IQSEC1: variants seen among roughly 807,000 people sequenced by gnomAD.
IQSEC1 encodes IQ motif and SEC7 domain-containing protein 1.
In IQSEC1, 31 loss-of-function variants were observed where a neutral mutation model predicts 91.0. The ratio of observed to expected loss-of-function variants is 0.34; its 90% confidence interval spans 0.26 to 0.46. IQSEC1 has a LOEUF of 0.46. Ranked by LOEUF, IQSEC1 falls within the 20% of genes least tolerant of loss-of-function variation. IQSEC1 has a pLI of 1.00. For missense variants in IQSEC1, 1,388 were observed against 1,575.6 expected (o/e 0.88, Z 2.02); for synonymous variants, 699 against 662.6 (o/e 1.05, Z -0.84).
chr3:12,909,123 G>C lies in IQSEC1; in HGVS notation c.2578+150C>G. ...GTGCCTCCTGCAGCCTGGGAACACA[G>C]ACTGCCCCATCATGTGGCCATAGGG... On this transcript the variant is annotated intron_variant, in intron 11 of 13. Transcript: ENST00000613206. The surrounding 1 kb of genome is among the most constrained non-coding windows in gnomAD (Gnocchi z 4.9). 1.3e-6 allele frequency: 1 copy of C among 799,628 alleles called. No homozygotes were observed. The highest frequency in any genetic ancestry group is 2.5e-5 in the East Asian group (1 of 40,510). 49.5% of individuals were successfully genotyped at this position (799,628 alleles called of 1,614,324 possible).
At chr3:13,032,775 G>A (rs1476366960) in intron 1 of IQSEC1, among the ~76,000 whole-genome samples, 1 of 152,056 alleles carries the variant, frequency 6.6e-6, no homozygotes, top group Non-Finnish European at 1.5e-5. Flanking sequence ...TAATAGAGAC[G>A]GGGTTTCACC....
chr3:12,906,220 T>A (rs1694966608), intron 12 of IQSEC1, among the ~76,000 whole-genome samples: 1 of 152,138 alleles, frequency 6.6e-6, no homozygotes, highest in Admixed American at 6.5e-5. Context: ...GTGTCAAACA[T>A]GGAGGGGACA....
At chr3:13,257,239 C>T (rs916330031) in intron 1 of IQSEC1, among the ~76,000 whole-genome samples, 7 of 152,182 alleles carry the variant, frequency 4.6e-5, no homozygotes, top group Admixed American at 1.3e-4. Context: ...AGTGGTCATT[C>T]TCACGGGCAT....
chr3:13,259,206 C>T lies in IQSEC1; in HGVS notation c.272+23505G>A, dbSNP rs904263760. Among the ~76,000 whole-genome samples, 4 of 152,156 alleles carry T rather than the reference C, an allele frequency of 2.6e-5. No individual in the cohort carries two copies. The highest frequency in any genetic ancestry group is 4.4e-5 in the Non-Finnish European group (3 of 67,988). ...ACCCTCTGCCATGCAGGCCCTGGGA[C>T]GGGACAGTTTCCACTGGAGCAGGAC... On this transcript the variant is annotated intron_variant, in intron 1 of 15. Coordinates refer to the IQSEC1 transcript ENST00000648114. This position sits in a 1 kb window ranked among gnomAD's most constrained non-coding sequence, Gnocchi z 4.6.
intron 1 of IQSEC1, among the ~76,000 whole-genome samples, chr3:13,257,705 C>A (rs1355559091): frequency 1.3e-5 from 2 of 152,156 alleles, no homozygotes; most frequent in Non-Finnish European, 2.9e-5. Flanking sequence ...TAAAGGGGTC[C>A]AAAATCTAGA....
At position 12,962,361 on chromosome 3, in the gene IQSEC1, T is replaced by C. The variant is rs901866141; in HGVS notation, c.24-20496A>G. Among the ~76,000 whole-genome samples the C allele has an allele frequency of 2.0e-5, 3 of 152,202 alleles. No individual in the cohort carries two copies. The South Asian group carries it at 6.2e-4, about 32-fold the overall frequency. On this transcript the variant is annotated intron_variant, in intron 1 of 13. Coordinates refer to ENST00000613206, the MANE Select transcript of IQSEC1 (RefSeq NM_001134382.3). Reference sequence around the variant, plus strand: ...AATAGAAAAGCAAACACCACTGGCTTCTGTAAATGGCATCAGGGAGAAAGT... The same window carrying C: ...AATAGAAAAGCAAACACCACTGGCTCCTGTAAATGGCATCAGGGAGAAAGT...
At chr3:12,948,511 C>T (rs1227972052) in intron 1 of IQSEC1, among the ~76,000 whole-genome samples, 1 of 152,218 alleles carries the variant, frequency 6.6e-6, no homozygotes, top group Non-Finnish European at 1.5e-5. Flanking sequence ...CAGCCCAGAC[C>T]TGTTGGATGC....
chr3:12,981,208 TG>T (rs1456490763), intron 1 of IQSEC1, among the ~76,000 whole-genome samples: 1 of 152,230 alleles, frequency 6.6e-6, no homozygotes, highest in African/African-American at 2.4e-5. Context: ...ACTTCCTAGC[TG>T]TGTTGCTTTG....
At chr3:13,048,893 C>T (rs1289689124) in intron 1 of IQSEC1, among the ~76,000 whole-genome samples, 1 of 152,220 alleles carries the variant, frequency 6.6e-6, no homozygotes, top group Non-Finnish European at 1.5e-5. Flanking sequence ...TCCCCTTGAG[C>T]CAGAACCCAC....
At chr3:13,112,973 G>A (rs531791260) in intron 2 of IQSEC1, among the ~76,000 whole-genome samples, 11 of 152,354 alleles carry the variant, frequency 7.2e-5, no homozygotes, top group South Asian at 2.1e-4. Flanking sequence ...ATTAAAAAGC[G>A]GCTGGCGCAT....
intron 6 of IQSEC1, among the ~76,000 whole-genome samples, chr3:12,918,019 G>A (rs934542054): frequency 2.0e-5 from 3 of 152,154 alleles, no homozygotes; most frequent in Non-Finnish European, 4.4e-5. Flanking sequence ...CCTACAAAAA[G>A]GACAAGCTGT....
At chr3:12,958,993 TCATGGAAGAGAAGC>T (rs974067105) in intron 1 of IQSEC1, among the ~76,000 whole-genome samples, 2 of 152,294 alleles carry the variant, frequency 1.3e-5, no homozygotes, top group Non-Finnish European at 2.9e-5. Context: ...TCAGATGATG[TCATGGAAGAGAAGC>T]CAATTTGGGG....
intron 1 of IQSEC1, among the ~76,000 whole-genome samples, chr3:13,273,615 C>T (rs1343381657): frequency 6.6e-6 from 1 of 152,190 alleles, no homozygotes; most frequent in African/African-American, 2.4e-5. Context: ...CTGCCCATCC[C>T]AGCAGCCTCT....
chr3:12,981,992 C>G (rs1478610507), intron 1 of IQSEC1, among the ~76,000 whole-genome samples: 1 of 152,228 alleles, frequency 6.6e-6, no homozygotes, highest in Non-Finnish European at 1.5e-5. Context: ...AGCTCTGGCC[C>G]CAGATGGTTT....
At chr3:13,054,019 C>T (rs575740389) in intron 1 of IQSEC1, among the ~76,000 whole-genome samples, 1 of 152,304 alleles carries the variant, frequency 6.6e-6, no homozygotes, top group African/African-American at 2.4e-5. Context: ...AACACTTTCC[C>T]CCACTTCGCA....
At chr3:13,174,706 C>T (rs554910962) in intron 1 of IQSEC1, among the ~76,000 whole-genome samples, 1 of 152,256 alleles carries the variant, frequency 6.6e-6, no homozygotes, top group East Asian at 1.9e-4. Context: ...ATGTCACCCC[C>T]ATGTCTGCCC....
chr3:12,904,039 C>T (rs1694686264), intron 12 of IQSEC1, among the ~76,000 whole-genome samples: 1 of 152,198 alleles, frequency 6.6e-6, no homozygotes, highest in African/African-American at 2.4e-5. Flanking sequence ...AAGAAGGAAG[C>T]AACTGCTGGG....
intron 1 of IQSEC1, among the ~76,000 whole-genome samples, chr3:13,253,838 G>T (rs997433212): frequency 6.6e-6 from 1 of 152,144 alleles, no homozygotes; most frequent in Non-Finnish European, 1.5e-5. Flanking sequence ...CAAGTGCCTC[G>T]GTGGTTATGT....
chr3:13,272,118 G>A (rs1230596817), intron 1 of IQSEC1, among the ~76,000 whole-genome samples: 1 of 152,152 alleles, frequency 6.6e-6, no homozygotes, highest in East Asian at 1.9e-4. Flanking sequence ...GAAACTAAGA[G>A]TCCCCTAAAA....
Sources: allele counts gnomAD v4.1 joint callset (sites outside exome capture counted in the v4.1 genomes callset), GRCh38; gene constraint gnomAD v4.1.1; non-coding constraint Gnocchi (gnomAD v3.1); transcripts MANE v1.5; gene names NCBI Gene and HGNC (gene_info 2026-07-23, HGNC 2026-07-21).